GFRA2: variants seen among roughly 807,000 people sequenced by gnomAD.
The protein encoded by GFRA2 is GDNF family receptor alpha-2.
A neutral mutation model predicts 48.3 loss-of-function variants in GFRA2; 17 were observed. That is an observed-to-expected ratio of 0.35 (90% confidence interval 0.24 to 0.53). The LOEUF (loss-of-function observed/expected upper bound fraction) is 0.53. Ranked by LOEUF, GFRA2 falls within the 20% of genes least tolerant of loss-of-function variation. The pLI is 0.93. For missense variants in GFRA2, 660 were observed against 637.3 expected, an observed-to-expected ratio of 1.04 and a Z score of -0.38; for synonymous variants, 305 against 257.2, an observed-to-expected ratio of 1.19 and a Z score of -1.78.
In GFRA2 at chr8:21,782,740, C is replaced by T. The variant is rs1056671419; in HGVS notation, c.200G>A (p.Arg67His). The T allele has an allele frequency of 5.0e-6, 8 of 1,597,362 alleles. No homozygotes were observed. In the South Asian group the frequency reaches 5.7e-5, roughly 11 times the overall value. The change falls in exon 2 of 9, where the codon CGC (arginine) becomes CAC (histidine). Residue 67 changes from arginine (R) to histidine (H), a missense_variant. Physicochemically the swap from Arg to His is conservative, Grantham distance 29 (BLOSUM62 0). Coordinates refer to ENST00000524240, the MANE Select transcript of GFRA2 (RefSeq NM_001495.5). ...GTTGGCCAGCATGGTGTTGCGGTCG[C>T]GGCCTGCCAGGCACTGCCGCAGAGT... ...YRTLRQCLAG[R>H]DRNTMLANKE...
rs1489978821 is a variant in GFRA2, at chr8:21,712,405, G to A, written c.795-6364C>T. 1.4e-3 allele frequency among the ~76,000 whole-genome samples: 208 copies of A among 151,362 alleles called. 5 individuals carry two copies. The East Asian group carries it at 0.034, about 25-fold the overall frequency. On this transcript the variant is annotated intron_variant, in intron 4 of 8. Coordinates refer to ENST00000524240, the MANE Select transcript of GFRA2 (RefSeq NM_001495.5). The stretch of plus-strand genomic sequence containing the variant: ...CAGAGGCGCTCCCCACATCTCAGAC[G>A]ATGGGCGGCCGGGCAGAGACGCTCC...
intron 1 of GFRA2, among the ~76,000 whole-genome samples, chr8:21,810,607 G>T (rs944083020): frequency 1.3e-5 from 2 of 152,218 alleles, no homozygotes; most frequent in African/African-American, 2.4e-5. Flanking sequence ...CATCTCAGTG[G>T]CTGTGATGGC....
At chr8:21,729,776 G>A (rs966048987) in intron 4 of GFRA2, among the ~76,000 whole-genome samples, 1 of 152,106 alleles carries the variant, frequency 6.6e-6, no homozygotes, top group Non-Finnish European at 1.5e-5. Context: ...CCCCCAAAGG[G>A]CTTCTCAGAG....
chr8:21,806,193 G>A (rs184072657), intron 1 of GFRA2, among the ~76,000 whole-genome samples: 1 of 152,238 alleles, frequency 6.6e-6, no homozygotes, highest in East Asian at 1.9e-4. Flanking sequence ...ACTACGGAGG[G>A]TCTCAAACTT....
chr8:21,762,791 T>G (rs908833903), intron 3 of GFRA2, among the ~76,000 whole-genome samples: 2 of 152,222 alleles, frequency 1.3e-5, no homozygotes, highest in Non-Finnish European at 2.9e-5. Flanking sequence ...GTGGCCTATT[T>G]CTTTTAAATA....
At chr8:21,699,935 G>A (rs1802389111) in intron 7 of GFRA2, among the ~76,000 whole-genome samples, 1 of 152,214 alleles carries the variant, frequency 6.6e-6, no homozygotes, top group South Asian at 2.1e-4. Flanking sequence ...GGGGGCCCTG[G>A]CCTAGCAGGG....
intron 1 of GFRA2, chr8:21,805,225 C>A (rs1188139476): frequency 6.6e-6 from 1 of 152,238 alleles, no homozygotes; most frequent in South Asian, 2.1e-4. Context: ...TCCCCTCCAT[C>A]CTAGTCTACA....
intron 3 of GFRA2, among the ~76,000 whole-genome samples, chr8:21,756,084 G>C (rs1805555520): frequency 1.3e-5 from 2 of 152,198 alleles, no homozygotes; most frequent in South Asian, 2.1e-4. Context: ...CCAGAGAGGA[G>C]GTTAGCAACT....
intron 4 of GFRA2, among the ~76,000 whole-genome samples, chr8:21,736,717 G>T (rs1804482206): frequency 6.6e-6 from 1 of 151,972 alleles, no homozygotes; most frequent in South Asian, 2.1e-4. Context: ...GCCCAGGCTG[G>T]TCTCAATCTC....
intron 4 of GFRA2, among the ~76,000 whole-genome samples, chr8:21,710,651 C>A (rs111279685): frequency 6.6e-6 from 1 of 152,136 alleles, no homozygotes; most frequent in Admixed American, 6.5e-5. Flanking sequence ...GACAAGAGCA[C>A]CCCCTCACTC....
At chr8:21,761,586 G>T (rs893323765) in intron 3 of GFRA2, among the ~76,000 whole-genome samples, 1 of 152,228 alleles carries the variant, frequency 6.6e-6, no homozygotes, top group East Asian at 1.9e-4. Context: ...GAGAAAAAGG[G>T]ACAATGTGGA....
rs1289814100 is a variant in GFRA2 at position 21,702,876 on chromosome 8, A to G, written c.1147T>C (p.Ser383Pro). The G allele has an allele frequency of 6.2e-7, 1 of 1,609,172 alleles. No individual in the cohort carries two copies. Among genetic ancestry groups the G allele is most frequent in the East Asian group, 2.3e-5 (1 of 44,230 alleles). Reference sequence around the variant, plus strand: ...CTGTCACTGAGGTCATCTGGCAAAGAAGGCGTCTTCTCCACCCGAGGGGCC... The same window carrying G: ...CTGTCACTGAGGTCATCTGGCAAAGGAGGCGTCTTCTCCACCCGAGGGGCC... ...TQAPRVEKTP[S>P]LPDDLSDSTS... Residue 383 changes from serine (S) to proline (P), a missense_variant, in exon 7 of 9, where the codon TCT becomes CCT. By Grantham distance (74) the Ser-to-Pro change is moderately conservative. Coordinates refer to ENST00000524240, the MANE Select transcript of GFRA2 (RefSeq NM_001495.5).
chr8:21,718,158 C>A (rs1426859397), intron 4 of GFRA2, among the ~76,000 whole-genome samples: 3 of 152,182 alleles, frequency 2.0e-5, no homozygotes, highest in Non-Finnish European at 4.4e-5. Flanking sequence ...GACCCAGTAG[C>A]AGGTAACTGA....
intron 4 of GFRA2, among the ~76,000 whole-genome samples, chr8:21,709,876 G>C (rs565127312): frequency 4.6e-5 from 7 of 152,220 alleles, no homozygotes; most frequent in Non-Finnish European, 7.3e-5. Flanking sequence ...AGAAGGAACA[G>C]CAGCATGAAT....
In GFRA2 at chr8:21,693,066, G is replaced by A. The variant is rs1397866060; in HGVS notation, c.*212C>T. The A allele has an allele frequency of 1.2e-5, 5 of 400,014 alleles. No individual in the cohort carries two copies. Among genetic ancestry groups the A allele is most frequent in the Non-Finnish European group, 1.8e-5 (4 of 225,508 alleles). 24.8% of individuals were successfully genotyped at this position (400,014 alleles called of 1,614,324 possible). On this transcript the variant is annotated 3_prime_UTR_variant, in exon 9 of 9. Coordinates refer to ENST00000524240, the MANE Select transcript of GFRA2 (RefSeq NM_001495.5). ...AGTTTCCCCTGCCAGGGGACCCCTGGGCCAGCTCTCAGGCTGCCTGCCTGC... is the reference window on the plus strand; with the variant it reads ...AGTTTCCCCTGCCAGGGGACCCCTGAGCCAGCTCTCAGGCTGCCTGCCTGC...
rs148580203 is a variant in GFRA2, at chr8:21,690,482, G to A, written c.*2796C>T. On this transcript the variant is annotated 3_prime_UTR_variant, in exon 9 of 9. Transcript: ENST00000524240. ...ACAAATAGGAATCATCTCAACCAAAGGAATGAATACCTAATGGTAAAATTT... is the reference window on the plus strand; with the variant it reads ...ACAAATAGGAATCATCTCAACCAAAAGAATGAATACCTAATGGTAAAATTT... 6.8e-4 allele frequency: 104 copies of A among 152,298 alleles called. 1 individual carries two copies. Among genetic ancestry groups the A allele is most frequent in the African/African-American group, 2.4e-3 (100 of 41,550 alleles). The allele number at this position is 152,298 out of a possible 1,614,324, so 9.4% of individuals were successfully genotyped here. A position where few individuals can be genotyped will look rare whatever the true frequency, so the allele number is the denominator to read the frequency against.
In GFRA2 at chr8:21,703,057, C is replaced by G. The variant is rs532196462; in HGVS notation, c.1046-80G>C. On this transcript the variant is annotated intron_variant, in intron 6 of 8. Coordinates refer to ENST00000524240, the MANE Select transcript of GFRA2 (RefSeq NM_001495.5). ...CTGTCCCTGCTCCTCACACTCTTCA[C>G]CCTGACCACCCCCTTCCCTGGAATG... 3 of 836,570 alleles carry G rather than the reference C, an allele frequency of 3.6e-6. No homozygotes were observed. In the Admixed American group the frequency reaches 1.0e-4, roughly 29 times the overall value. The allele number at this position is 836,570 out of a possible 1,614,324, so 51.8% of individuals were successfully genotyped here.
intron 7 of GFRA2, among the ~76,000 whole-genome samples, chr8:21,700,402 C>A (rs1802414955): frequency 6.6e-6 from 1 of 152,214 alleles, no homozygotes; most frequent in African/African-American, 2.4e-5. Context: ...ACATCGGCCA[C>A]AGGGCCAACT....
At chr8:21,732,024 A>G (rs1034317845) in intron 4 of GFRA2, among the ~76,000 whole-genome samples, 1 of 152,220 alleles carries the variant, frequency 6.6e-6, no homozygotes, top group Non-Finnish European at 1.5e-5. Context: ...TAAGAACTTC[A>G]CAAGTATTTA....
Sources: allele counts gnomAD v4.1 joint callset (sites outside exome capture counted in the v4.1 genomes callset), GRCh38; gene constraint gnomAD v4.1.1; transcripts MANE v1.5; gene names NCBI Gene and HGNC (gene_info 2026-07-23, HGNC 2026-07-21).